PTPN23: variants seen among roughly 807,000 people sequenced by gnomAD.
PTPN23 encodes tyrosine-protein phosphatase non-receptor type 23.
PTPN23 carries 72 observed loss-of-function variants against 156.3 expected under a neutral mutation model. The observed-to-expected ratio is 0.46, with a 90% CI of 0.38 to 0.56. The LOEUF (loss-of-function observed/expected upper bound fraction) is 0.56, where lower values mean the gene tolerates loss of function less well. PTPN23 is among the 20% of genes least tolerant of loss of function. The pLI is 0.00. For missense variants in PTPN23, 1,974 were observed against 2,171.5 expected, an observed-to-expected ratio of 0.91 and a Z score of 1.81; for synonymous variants, 957 against 899.6, an observed-to-expected ratio of 1.06 and a Z score of -1.14.
At position 47,410,764 on chromosome 3, in the gene PTPN23, C is replaced by T; in HGVS notation, c.2966C>T (p.Pro989Leu). Residue 989 changes from proline to leucine, a missense_variant, in exon 20 of 25, where the codon CCA (proline) becomes CTA (leucine). By Grantham distance (98) the Pro-to-Leu change is moderately conservative (BLOSUM62 -3). Transcript: ENST00000265562. ...QHPHLFPPQA[P>L]GLLPPQSPYP... Reference sequence around the variant, plus strand: ...CCACATCTCTTCCCACCCCAGGCCCCAGGACTCCTACCCCCACAATCCCCC... The same window carrying T: ...CCACATCTCTTCCCACCCCAGGCCCTAGGACTCCTACCCCCACAATCCCCC... 2 of 1,557,216 alleles carry T rather than the reference C, an allele frequency of 1.3e-6. No homozygotes were observed. Among genetic ancestry groups the T allele is most frequent in the Non-Finnish European group, 1.7e-6 (2 of 1,147,112 alleles).
intron 1 of PTPN23, among the ~76,000 whole-genome samples, chr3:47,391,733 C>T (rs960204977): frequency 6.6e-6 from 1 of 152,108 alleles, no homozygotes; most frequent in Admixed American, 6.6e-5. Flanking sequence ...TTCCTTTGGC[C>T]TCTATCCCAC....
At chr3:47,401,475 G>T (rs1425341399) in intron 2 of PTPN23, among the ~76,000 whole-genome samples, 1 of 152,128 alleles carries the variant, frequency 6.6e-6, no homozygotes, top group Non-Finnish European at 1.5e-5. Context: ...CCAAAGTGCT[G>T]GGATTATAGG....
intron 2 of PTPN23, 59 bp from the exon 3 acceptor site, chr3:47,404,593 G>A (rs1215530231): frequency 3.8e-6 from 6 of 1,595,640 alleles, no homozygotes; most frequent in African/African-American, 1.3e-5. Context: ...GAGTTAGCTG[G>A]CCTGCGTGTC....
chr3:47,412,038 G>C, intron 21 of PTPN23, 56 bp from the exon 22 acceptor site: 1 of 1,609,206 alleles, frequency 6.2e-7, no homozygotes, highest in African/African-American at 1.3e-5. Context: ...GGAGGGATGA[G>C]AGCCTCAGGT....
intron 19 of PTPN23, 37 bp downstream of exon 19, chr3:47,409,871 C>G: frequency 6.3e-7 from 1 of 1,596,148 alleles, no homozygotes; most frequent in Non-Finnish European, 8.5e-7. Flanking sequence ...CGGCTCGGGT[C>G]CAGACAGGCT....
rs1559530694 is a variant in PTPN23 at position 47,412,267 on chromosome 3, CCCCTTCTTGGCACAG to C, written c.4179-14_4179del. ...CTAGCCTCATACCCCGGCCTCATAACCCCTTCTTGGCACAGCTCTGGTGTGGGCCGCACGGGAGCC... is the reference window on the plus strand; with the variant it reads ...CTAGCCTCATACCCCGGCCTCATAACCTCTGGTGTGGGCCGCACGGGAGCC... On this transcript the variant is annotated splice_acceptor_variant and splice_polypyrimidine_tract_variant and intron_variant, in intron 22 of 24. Transcript: ENST00000265562. LOFTEE classifies it high-confidence loss of function. 6.2e-7 allele frequency: 1 copy of C among 1,612,990 alleles called. No homozygotes were observed. The highest frequency in any genetic ancestry group is 1.7e-5 in the Admixed American group (1 of 60,014).
At position 47,412,572 on chromosome 3, in the gene PTPN23, G is replaced by A. The variant is rs754321951; in HGVS notation, c.4376G>A (p.Arg1459His). ...VVRHVEQVLQ[R>H]HGVPPPCKPL... is the part of the protein sequence containing the mutation. ...AGACACGTGGAGCAGGTCCTGCAGCGCCATGGTGTGCCTCCTCCATGCAAA... is the reference window on the plus strand; with the variant it reads ...AGACACGTGGAGCAGGTCCTGCAGCACCATGGTGTGCCTCCTCCATGCAAA... Residue 1459 changes from arginine to histidine, a missense_variant, in exon 24 of 25, where the codon CGC (arginine) becomes CAC (histidine). Arg to His is a conservative substitution (Grantham distance 29). Around this residue, in one of 4 missense-constraint regions of PTPN23, gnomAD observed 484 missense variants for 516.0 expected, o/e 0.94. Coordinates refer to ENST00000265562, the MANE Select transcript of PTPN23 (RefSeq NM_015466.4). 23 of 1,613,530 alleles carry A rather than the reference G, an allele frequency of 1.4e-5. No homozygotes were observed. Among genetic ancestry groups the A allele is most frequent in the Admixed American group, 1.2e-4 (7 of 59,998 alleles).
chr3:47,413,018 T>G lies in PTPN23; in HGVS notation c.4744T>G (p.Ser1582Ala), dbSNP rs369859486. Residue 1582 changes from serine to alanine, a missense_variant, in exon 25 of 25, where the codon TCC becomes GCC. Coordinates refer to ENST00000265562, the MANE Select transcript of PTPN23 (RefSeq NM_015466.4). ...PPSSSLELLA[S>A]LTPEAFSLDS... ...CTCCTCCTCCCTGGAATTGCTGGCCTCCTTGACCCCAGAGGCCTTCTCCCT... is the reference window on the plus strand; with the variant it reads ...CTCCTCCTCCCTGGAATTGCTGGCCGCCTTGACCCCAGAGGCCTTCTCCCT... 12 of 1,611,374 alleles carry G rather than the reference T, an allele frequency of 7.4e-6. No individual in the cohort carries two copies. The highest frequency in any genetic ancestry group is 1.7e-4 in the Middle Eastern group (1 of 6,050).
chr3:47,412,412 G>A lies in PTPN23; in HGVS notation c.4308G>A (p.Leu1436=), dbSNP rs150910187. ...RRMRQQRKHM[L]QEKLHLRFCY... is the part of the protein sequence containing the mutation. Reference sequence around the variant, plus strand: ...TGCGGCAGCAGAGAAAGCACATGCTGCAGGAGAAGGTGAGGATCTGGGCAG... The same window carrying A: ...TGCGGCAGCAGAGAAAGCACATGCTACAGGAGAAGGTGAGGATCTGGGCAG... Residue 1436 remains leucine, a synonymous_variant, in exon 23 of 25, where the codon CTG becomes CTA. Transcript: ENST00000265562. 25 of 1,612,950 alleles carry A rather than the reference G, an allele frequency of 1.5e-5. No homozygotes were observed. In the African/African-American group the frequency reaches 2.3e-4, roughly 15 times the overall value.
intron 3 of PTPN23, 24 bp from the exon 4 acceptor site, chr3:47,404,981 A>G (rs1334189359): frequency 1.9e-6 from 3 of 1,613,864 alleles, no homozygotes; most frequent in East Asian, 2.2e-5. Flanking sequence ...TGCCCTCGAG[A>G]TAACTGGGGT....
chr3:47,391,660 A>G (rs1156682405), intron 1 of PTPN23, among the ~76,000 whole-genome samples: 5 of 152,192 alleles, frequency 3.3e-5, no homozygotes, highest in Admixed American at 2.0e-4. Flanking sequence ...GCAGGGTCAG[A>G]TGTTCCTAGT....
chr3:47,407,295 C>G lies in PTPN23; in HGVS notation c.865-14C>G. On this transcript the variant is annotated splice_polypyrimidine_tract_variant and intron_variant, in intron 10 of 24. Transcript: ENST00000265562. This position sits in a 1 kb window ranked among gnomAD's most constrained non-coding sequence, Gnocchi z 4.0. ...GTTAGTGCTAAGGCCCCACCCCTGT[C>G]CCTAACCCCACAGGGCCAGCCTGAC... 6.2e-7 allele frequency: 1 copy of G among 1,613,826 alleles called. No individual in the cohort carries two copies.
At chr3:47,393,892 AC>A (rs1452154076) in intron 1 of PTPN23, among the ~76,000 whole-genome samples, 2 of 150,032 alleles carry the variant, frequency 1.3e-5, no homozygotes, top group Non-Finnish European at 3.0e-5. Flanking sequence ...GGCGTGGGCT[AC>A]CATACCCAGC....
At chr3:47,399,013 TGAA>T (rs1247224917) in intron 2 of PTPN23, among the ~76,000 whole-genome samples, 1 of 152,136 alleles carries the variant, frequency 6.6e-6, no homozygotes, top group Non-Finnish European at 1.5e-5. Flanking sequence ...AAGAGAAAAA[TGAA>T]GAAGGGAAAA....
In PTPN23 at chr3:47,399,680, G is replaced by A. The variant is rs1704952480; in HGVS notation, c.159+3463G>A. Among the ~76,000 whole-genome samples, 3 of 152,318 alleles carry A rather than the reference G, an allele frequency of 2.0e-5. No homozygotes were observed. In the South Asian group the frequency reaches 6.2e-4, roughly 32 times the overall value. On this transcript the variant is annotated intron_variant, in intron 2 of 24. Coordinates refer to ENST00000265562, the MANE Select transcript of PTPN23 (RefSeq NM_015466.4). ...GGGTAGAGCAGCCCCTGAGAGAGCT[G>A]TGAGCCAGCAGCCTTCAGACCTGTG...
Position 47,411,085 on chromosome 3 carries a change from C to G in PTPN23, c.3287C>G (p.Pro1096Arg), listed in dbSNP as rs772081974. 1 of 1,590,098 alleles carries G rather than the reference C, an allele frequency of 6.3e-7. No individual in the cohort carries two copies. The highest frequency in any genetic ancestry group is 8.6e-7 in the Non-Finnish European group (1 of 1,169,162). Residue 1096 changes from proline to arginine, a missense_variant, in exon 20 of 25, where the codon CCG becomes CGG. By Grantham distance (103) the Pro-to-Arg change is moderately radical (BLOSUM62 -2). This residue lies in a region of PTPN23 where 731 missense variants were observed against 669.1 expected (regional missense o/e 1.09). Transcript: ENST00000265562. This position sits in a 1 kb window ranked among gnomAD's most constrained non-coding sequence, Gnocchi z 6.3. ...CCTGCCCCATCTCCAGGGCCTGGTCCGGTACCCCCTCGCCCCCCAGCAGCA... is the reference window on the plus strand; with the variant it reads ...CCTGCCCCATCTCCAGGGCCTGGTCGGGTACCCCCTCGCCCCCCAGCAGCA... ...PSPAPSPGPGPVPPRPPAAEP... is the reference protein window; with the variant it reads ...PSPAPSPGPGRVPPRPPAAEP...
chr3:47,395,046 G>A (rs1396302599), intron 1 of PTPN23, among the ~76,000 whole-genome samples: 2 of 152,160 alleles, frequency 1.3e-5, no homozygotes, highest in African/African-American at 2.4e-5. Context: ...CTCAGCTGTC[G>A]CCTCCCTGCC....
At position 47,405,740 on chromosome 3, in the gene PTPN23, C is replaced by A. The variant is rs1294709208; in HGVS notation, c.365-9C>A. On this transcript the variant is annotated splice_polypyrimidine_tract_variant and intron_variant, in intron 4 of 24. Coordinates refer to ENST00000265562, the MANE Select transcript of PTPN23 (RefSeq NM_015466.4). The surrounding 1 kb of genome is among the most constrained non-coding windows in gnomAD (Gnocchi z 4.7). ...CCCAGGCCCCTAACACTGTCCCCTC[C>A]CTCCCCAGGAGCGCTGCACTCCATG... 6.2e-7 allele frequency: 1 copy of A among 1,601,546 alleles called. No homozygotes were observed. The highest frequency in any genetic ancestry group is 1.1e-5 in the South Asian group (1 of 88,870).
intron 1 of PTPN23, among the ~76,000 whole-genome samples, chr3:47,393,402 C>T (rs1704815034): frequency 6.6e-6 from 1 of 152,236 alleles, no homozygotes; most frequent in African/African-American, 2.4e-5. Context: ...ATCCACCTGC[C>T]TTGGCCTCCC....
Sources: gnomAD v4.1 joint callset for allele counts (sites outside exome capture counted in the v4.1 genomes callset) on GRCh38, gnomAD v4.1.1 for gene constraint, gnomAD v4.1.1 regional missense constraint, Gnocchi (gnomAD v3.1) non-coding constraint, MANE v1.5 for transcripts, NCBI Gene and HGNC (gene_info 2026-07-23, HGNC 2026-07-21) for gene names.